The following PDCD10 variants were observed in gnomAD, a reference collection of about 807,000 sequenced individuals.
The protein encoded by PDCD10 is programmed cell death protein 10.
In PDCD10, 4 loss-of-function variants were observed where a neutral mutation model predicts 29.2. The observed-to-expected ratio is 0.14, with a 90% CI of 0.07 to 0.31. The LOEUF is 0.31. Among genes scored for constraint, PDCD10 ranks in the 10% least tolerant of loss-of-function variants. PDCD10 has a pLI of 1.00. For missense variants in PDCD10, 183 were observed against 257.9 expected, an observed-to-expected ratio of 0.71 and a Z score of 1.99; for synonymous variants, 70 against 82.2, an observed-to-expected ratio of 0.85 and a Z score of 0.80.
At chr3:167,730,277 G>C (rs1724666783) in intron 2 of PDCD10, among the ~76,000 whole-genome samples, 1 of 151,978 alleles carries the variant, frequency 6.6e-6, no homozygotes, top group Admixed American at 6.6e-5. Flanking sequence ...TATTTCAAAT[G>C]CAATAACATA....
rs557465696 is a variant in PDCD10 at position 167,694,083 on chromosome 3, C to T, written c.395+1513G>A. Among the ~76,000 whole-genome samples the T allele has an allele frequency of 9.2e-5, 14 of 152,230 alleles. No homozygotes were observed. The South Asian group carries it at 2.9e-3, about 32-fold the overall frequency. On this transcript the variant is annotated intron_variant, in intron 6 of 8. Coordinates refer to ENST00000392750, the MANE Select transcript of PDCD10 (RefSeq NM_007217.4). ...CTGACACCCATAACAGTCAAGGCTT[C>T]CCATAATTCAATATCCAACATTATT...
intron 6 of PDCD10, among the ~76,000 whole-genome samples, chr3:167,690,497 T>C (rs899259495): frequency 1.3e-5 from 2 of 152,242 alleles, no homozygotes; most frequent in Admixed American, 1.3e-4. Context: ...AATAAATGCC[T>C]GGCTTTTTTA....
chr3:167,687,735 A>G (rs1719769351), intron 6 of PDCD10, 42 bp from the exon 7 acceptor site: 2 of 1,075,578 alleles, frequency 1.9e-6, no homozygotes, highest in African/African-American at 3.1e-5. Flanking sequence ...CATTTGAAAG[A>G]AATTTGTGAG....
intron 2 of PDCD10, among the ~76,000 whole-genome samples, chr3:167,727,931 C>T (rs1459569650): frequency 2.0e-5 from 3 of 152,338 alleles, no homozygotes; most frequent in Middle Eastern, 3.4e-3. Flanking sequence ...CCTTATTTAA[C>T]ATTAGGTGCT....
intron 5 of PDCD10, 71 bp downstream of exon 5, chr3:167,696,937 CA>C: frequency 1.2e-6 from 1 of 843,950 alleles, no homozygotes; most frequent in Non-Finnish European, 2.1e-6. Context: ...ATCCTTTGGT[CA>C]AATAATAATG....
Position 167,715,654 on chromosome 3 carries a change from G to C in PDCD10, c.96+4408C>G, listed in dbSNP as rs181606498. On this transcript the variant is annotated intron_variant, in intron 3 of 8. Transcript: ENST00000392750. ...ACATACAAATGACAAACATGCATAT[G>C]AAAAGGTGCTCAACATCATAGACCA... 2.0e-5 allele frequency among the ~76,000 whole-genome samples: 3 copies of C among 152,156 alleles called. No individual in the cohort carries two copies. In the East Asian group the frequency reaches 5.8e-4, roughly 29 times the overall value.
At chr3:167,716,181 A>G (rs917330115) in intron 3 of PDCD10, among the ~76,000 whole-genome samples, 5 of 152,010 alleles carry the variant, frequency 3.3e-5, no homozygotes, top group African/African-American at 9.7e-5. Context: ...GACAAACTTC[A>G]AAAGTTCTCA....
chr3:167,705,566 T>C (rs1721892766), intron 3 of PDCD10, among the ~76,000 whole-genome samples: 1 of 152,158 alleles, frequency 6.6e-6, no homozygotes. Context: ...AACAAGACAG[T>C]TACAAATGCC....
intron 2 of PDCD10, among the ~76,000 whole-genome samples, chr3:167,723,203 C>G (rs1319484161): frequency 2.0e-5 from 3 of 152,170 alleles, no homozygotes; most frequent in Non-Finnish European, 4.4e-5. Flanking sequence ...TAAAATATGC[C>G]TTTGTCATTC....
At chr3:167,697,833 A>T (rs1351513703) in intron 4 of PDCD10, 1 of 433,992 alleles carries the variant, frequency 2.3e-6, no homozygotes, top group Non-Finnish European at 4.6e-6. Flanking sequence ...AAGACTGGGC[A>T]TAGAGTTCTG....
intron 2 of PDCD10, among the ~76,000 whole-genome samples, chr3:167,731,129 C>T (rs142128670): frequency 1.7e-3 from 257 of 152,162 alleles, no homozygotes; most frequent in Middle Eastern, 3.4e-3. Context: ...AGTAAATTTA[C>T]TTATTTTCTT....
At position 167,711,643 on chromosome 3, in the gene PDCD10, G is replaced by T. The variant is rs911916436; in HGVS notation, c.97-6748C>A. Among the ~76,000 whole-genome samples the T allele has an allele frequency of 5.3e-5, 8 of 152,226 alleles. 1 individual carries two copies. Among genetic ancestry groups the T allele is most frequent in the Admixed American group, 3.9e-4 (6 of 15,302 alleles). On this transcript the variant is annotated intron_variant, in intron 3 of 8. Transcript: ENST00000392750. Reference sequence around the variant, plus strand: ...AGAGAACTTCCCAAACCTAGAGAAAGATATCAACATCTAAGTACAAGAAGG... The same window carrying T: ...AGAGAACTTCCCAAACCTAGAGAAATATATCAACATCTAAGTACAAGAAGG...
chr3:167,702,902 T>C (rs1721588912), intron 4 of PDCD10, among the ~76,000 whole-genome samples: 1 of 152,186 alleles, frequency 6.6e-6, no homozygotes, highest in Non-Finnish European at 1.5e-5. Flanking sequence ...TCTTCCAAAA[T>C]AAGTAATCTA....
At chr3:167,718,489 T>A (rs1319324457) in intron 3 of PDCD10, among the ~76,000 whole-genome samples, 1 of 152,048 alleles carries the variant, frequency 6.6e-6, no homozygotes, top group African/African-American at 2.4e-5. Flanking sequence ...GCTACCATGG[T>A]GGCAGTTTAA....
chr3:167,728,408 G>C (rs1464509275), intron 2 of PDCD10, among the ~76,000 whole-genome samples: 1 of 152,140 alleles, frequency 6.6e-6, no homozygotes, highest in Non-Finnish European at 1.5e-5. Context: ...GGCAGCCGGT[G>C]TGTAACATCT....
At chr3:167,715,175 C>T (rs1722890362) in intron 3 of PDCD10, among the ~76,000 whole-genome samples, 2 of 151,646 alleles carry the variant, frequency 1.3e-5, no homozygotes, top group Non-Finnish European at 3.0e-5. Flanking sequence ...GAAAAGAGTC[C>T]CTTTAATAAA....
chr3:167,698,519 GAATAAGACCTCGTATTAAA>G (rs1056589208), intron 4 of PDCD10, among the ~76,000 whole-genome samples: 2 of 151,528 alleles, frequency 1.3e-5, no homozygotes, highest in African/African-American at 4.9e-5. Context: ...CTATGATACA[GAATAAGACCTCGTATTAAA>G]AACAAAACAA....
intron 6 of PDCD10, among the ~76,000 whole-genome samples, chr3:167,694,118 T>C (rs931825558): frequency 6.6e-6 from 1 of 151,970 alleles, no homozygotes; most frequent in Non-Finnish European, 1.5e-5. Flanking sequence ...TTTCCCATTG[T>C]ACCAAAAAAT....
intron 3 of PDCD10, among the ~76,000 whole-genome samples, chr3:167,717,929 A>G (rs1723179169): frequency 6.6e-6 from 1 of 152,138 alleles, no homozygotes; most frequent in Non-Finnish European, 1.5e-5. Context: ...TTCATTCACT[A>G]GAGGATTAAA....
Sources: gnomAD v4.1 joint callset for allele counts (sites outside exome capture counted in the v4.1 genomes callset) on GRCh38, gnomAD v4.1.1 for gene constraint, MANE v1.5 for transcripts, NCBI Gene and HGNC (gene_info 2026-07-23, HGNC 2026-07-21) for gene names.